The following PATZ1 variants were observed in gnomAD, a reference collection of about 807,000 sequenced individuals.
PATZ1 encodes the protein POZ-, AT hook-, and zinc finger-containing protein 1.
Under a neutral mutation model 46.2 loss-of-function variants are expected in PATZ1, and 9 were observed. That is an observed-to-expected ratio of 0.19 (90% CI 0.12 to 0.34). The LOEUF (loss-of-function observed/expected upper bound fraction) is 0.34, where lower values mean the gene tolerates loss of function less well. PATZ1 is among the 10% of genes least tolerant of loss of function. PATZ1 has a pLI of 1.00. For synonymous variants in PATZ1, 426 were observed against 378.6 expected, an observed-to-expected ratio of 1.13 and a Z score of -1.45; for missense variants, 632 against 923.0, an observed-to-expected ratio of 0.68 and a Z score of 4.08.
intron 2 of PATZ1, among the ~76,000 whole-genome samples, chr22:31,339,719 C>T (rs1365385973): frequency 1.3e-5 from 2 of 152,214 alleles, no homozygotes; most frequent in African/African-American, 4.8e-5. Context: ...CCTGCCAGGT[C>T]CTGGCCCAGG....
chr22:31,341,049 T>C, intron 2 of PATZ1: 2 of 1,086,018 alleles, frequency 1.8e-6, no homozygotes, highest in Non-Finnish European at 2.2e-6. Flanking sequence ...ACCCCAGGCC[T>C]ATGGGAAGTG....
chr22:31,330,205 C>T (rs2049421898), intron 3 of PATZ1, among the ~76,000 whole-genome samples: 1 of 152,176 alleles, frequency 6.6e-6, no homozygotes, highest in Non-Finnish European at 1.5e-5. Flanking sequence ...GCTGATGGCA[C>T]ACCAGGGCCC....
intron 2 of PATZ1, chr22:31,341,150 G>T: frequency 1.7e-6 from 2 of 1,199,032 alleles, no homozygotes; most frequent in East Asian, 3.5e-5. Flanking sequence ...AGATGCCCAG[G>T]GGTGCCATCT....
Position 31,327,376 on chromosome 22 carries a change from T to TCATGAGGGGC in PATZ1, c.1646-77_1646-68dup. On this transcript the variant is annotated intron_variant, in intron 4 of 4. Transcript: ENST00000266269. This position sits in a 1 kb window ranked among gnomAD's most constrained non-coding sequence, Gnocchi z 4.2. ...CTGGAGATGCCCCCTCCTGGAGGGG[T>TCATGAGGGGC]CATGAGGGGCCAGCTCACAGACCTG... The TCATGAGGGGC allele has an allele frequency of 7.5e-7, 1 of 1,334,046 alleles. No homozygotes were observed. The highest frequency in any genetic ancestry group is 2.5e-4 in the Middle Eastern group (1 of 3,980). 82.6% of individuals were successfully genotyped at this position (1,334,046 alleles called of 1,614,324 possible). A position where few individuals can be genotyped will look rare whatever the true frequency, so the allele number is the denominator to read the frequency against.
At chr22:31,339,489 C>T (rs1484248861) in intron 2 of PATZ1, among the ~76,000 whole-genome samples, 1 of 152,100 alleles carries the variant, frequency 6.6e-6, no homozygotes, top group African/African-American at 2.4e-5. Context: ...AGAGAAGGGG[C>T]GGAGGGAGAC....
chr22:31,334,937 C>G (rs1255237503), intron 3 of PATZ1, among the ~76,000 whole-genome samples: 1 of 152,198 alleles, frequency 6.6e-6, no homozygotes, highest in Non-Finnish European at 1.5e-5. Flanking sequence ...TCACAGATAG[C>G]TGCTCCAACC....
intron 3 of PATZ1, 129 bp downstream of exon 3, chr22:31,335,563 C>A: frequency 1.2e-6 from 1 of 822,138 alleles, no homozygotes; most frequent in Admixed American, 2.4e-5. Context: ...AGGTGTTTAT[C>A]ATTCAGTGGG....
rs1222871755 is a variant in PATZ1 at position 31,335,826 on chromosome 22, C to T, written c.1373G>A (p.Arg458His). 2.5e-6 allele frequency: 4 copies of T among 1,613,994 alleles called. No individual in the cohort carries two copies. Among genetic ancestry groups the T allele is most frequent in the Non-Finnish European group, 3.4e-6 (4 of 1,179,974 alleles). The change falls in exon 3 of 5, where the codon CGC becomes CAC. Residue 458 changes from arginine to histidine, a missense_variant. Physicochemically the swap from Arg to His is conservative, Grantham distance 29. Around this residue, in one of 7 missense-constraint regions of PATZ1, gnomAD observed 55 missense variants for 169.0 expected, o/e 0.33. Transcript: ENST00000266269. ...GTCTTCATGACAGGCCAGGTGGGAG[C>T]GCAGACGGTCTCGGGTGGCAAAAGA... ...NASFATRDRLRSHLACHEDKV... is the reference protein window; with the variant it reads ...NASFATRDRLHSHLACHEDKV...
At position 31,344,596 on chromosome 22, in the gene PATZ1, A is replaced by C; in HGVS notation, c.1007T>G (p.Leu336Arg). The change falls in exon 1 of 5, where the codon CTA becomes CGA. Residue 336 changes from leucine to arginine, a missense_variant. Physicochemically the swap from Leu to Arg is moderately radical, Grantham distance 102 (BLOSUM62 -2). Coordinates refer to ENST00000266269, the MANE Select transcript of PATZ1 (RefSeq NM_014323.3). ...GCCGTCGGGGTCTTCAGAGATGGGT[A>C]GCCCATTCTCACCCAGCCTCGGAGG... ...LPPPRLGENGLPISEDPDGPR... is the reference protein window; with the variant it reads ...LPPPRLGENGRPISEDPDGPR... The C allele has an allele frequency of 6.2e-7, 1 of 1,614,156 alleles. No homozygotes were observed. Among genetic ancestry groups the C allele is most frequent in the Non-Finnish European group, 8.5e-7 (1 of 1,180,032 alleles).
chr22:31,329,499 T>C (rs1195711537), intron 3 of PATZ1, among the ~76,000 whole-genome samples: 2 of 152,342 alleles, frequency 1.3e-5, no homozygotes. Context: ...ACCTTCAGCA[T>C]AACAGGATTT....
In PATZ1 at chr22:31,345,360, G is replaced by A. The variant is rs764189357; in HGVS notation, c.243C>T (p.Asp81=). 1 of 1,607,104 alleles carries A rather than the reference G, an allele frequency of 6.2e-7. No individual in the cohort carries two copies. The highest frequency in any genetic ancestry group is 1.1e-5 in the South Asian group (1 of 90,608). The change falls in exon 1 of 5, where the codon GAC becomes GAT. Residue 81 remains aspartate (D), a synonymous_variant. Coordinates refer to ENST00000266269, the MANE Select transcript of PATZ1 (RefSeq NM_014323.3). This position sits in a 1 kb window ranked among gnomAD's most constrained non-coding sequence, Gnocchi z 7.4. ...SAQLGDGGAA[D]GGPADVGGAT... is the part of the protein sequence containing the mutation. ...CGCCCCCTACATCAGCCGGACCCCC[G>A]TCCGCAGCTCCGCCGTCGCCCAACT...
Position 31,345,492 on chromosome 22 carries a change from G to C in PATZ1, c.111C>G (p.Gly37=). 1.2e-6 allele frequency: 2 copies of C among 1,613,240 alleles called. No homozygotes were observed. Among genetic ancestry groups the C allele is most frequent in the Non-Finnish European group, 1.7e-6 (2 of 1,179,866 alleles). ...GCAAGAGCACGTCGCAGAAGCGCCCGCCGTTTTTGCGCTGCTGGTTCAGGT... is the reference window on the plus strand; with the variant it reads ...GCAAGAGCACGTCGCAGAAGCGCCCCCCGTTTTTGCGCTGCTGGTTCAGGT... ...LHNLNQQRKN[G]GRFCDVLLRV... Residue 37 remains glycine (G), a synonymous_variant, in exon 1 of 5, where the codon GGC becomes GGG. Coordinates refer to ENST00000266269, the MANE Select transcript of PATZ1 (RefSeq NM_014323.3). The surrounding 1 kb of genome is among the most constrained non-coding windows in gnomAD (Gnocchi z 7.4).
intron 2 of PATZ1, chr22:31,337,997 G>A (rs551427254): frequency 3.3e-5 from 5 of 152,334 alleles, no homozygotes; most frequent in East Asian, 3.9e-4. Flanking sequence ...GTCTTTTTAA[G>A]TAAACATTAT....
chr22:31,342,357 G>T (rs572321757), intron 2 of PATZ1, among the ~76,000 whole-genome samples: 52 of 152,164 alleles, frequency 3.4e-4, no homozygotes, highest in Non-Finnish European at 6.5e-4. Context: ...GGGTTAAACA[G>T]ATGCCAGTGT....
At chr22:31,337,345 A>G (rs2049523973) in intron 2 of PATZ1, among the ~76,000 whole-genome samples, 1 of 152,172 alleles carries the variant, frequency 6.6e-6, no homozygotes, top group African/African-American at 2.4e-5. Flanking sequence ...GCTGAGCACC[A>G]ACTCACAGCC....
rs770844249 is a variant in PATZ1 at position 31,344,996 on chromosome 22, C to T, written c.607G>A (p.Ala203Thr). Residue 203 changes from alanine (A) to threonine (T), a missense_variant, in exon 1 of 5, where the codon GCC (alanine) becomes ACC (threonine). This residue lies in a region of PATZ1 where 279 missense variants were observed against 284.3 expected (regional missense o/e 0.98). Coordinates refer to ENST00000266269, the MANE Select transcript of PATZ1 (RefSeq NM_014323.3). Reference protein sequence around the residue: ...AALAANSNGIAGSMQPEEEAA... With the variant: ...AALAANSNGITGSMQPEEEAA... Reference sequence around the variant, plus strand: ...TCCTCCTCTGGCTGCATGCTGCCGGCGATGCCATTGCTGTTGGCTGCCAAG... The same window carrying T: ...TCCTCCTCTGGCTGCATGCTGCCGGTGATGCCATTGCTGTTGGCTGCCAAG... The T allele has an allele frequency of 6.2e-7, 1 of 1,614,008 alleles. No individual in the cohort carries two copies. The highest frequency in any genetic ancestry group is 8.5e-7 in the Non-Finnish European group (1 of 1,180,040).
At chr22:31,340,956 T>G (rs1251826527) in intron 2 of PATZ1, 5 of 1,069,892 alleles carry the variant, frequency 4.7e-6, no homozygotes, top group Non-Finnish European at 5.7e-6. Context: ...ATGGGTTGAC[T>G]CTAGTTGGAA....
Position 31,345,960 on chromosome 22 carries a change from C to A in PATZ1, c.-358G>T, listed in dbSNP as rs2049651579. On this transcript the variant is annotated 5_prime_UTR_variant, in exon 1 of 5. Coordinates refer to ENST00000266269, the MANE Select transcript of PATZ1 (RefSeq NM_014323.3). The surrounding 1 kb of genome is among the most constrained non-coding windows in gnomAD (Gnocchi z 7.4). Reference sequence around the variant, plus strand: ...GCCACCTCCCCTCCCGCCCGCCAGGCGGCGCCGGCGCGCAGCCAAGAAGGG... The same window carrying A: ...GCCACCTCCCCTCCCGCCCGCCAGGAGGCGCCGGCGCGCAGCCAAGAAGGG... 1 of 240,730 alleles carries A rather than the reference C, an allele frequency of 4.2e-6. No individual in the cohort carries two copies. Among genetic ancestry groups the A allele is most frequent in the Admixed American group, 5.6e-5 (1 of 17,712 alleles). 14.9% of individuals were successfully genotyped at this position (240,730 alleles called of 1,614,324 possible).
chr22:31,326,584 C>G lies in PATZ1; in HGVS notation c.*307G>C, dbSNP rs946062518. 1 of 334,988 alleles carries G rather than the reference C, an allele frequency of 3.0e-6. No homozygotes were observed. The highest frequency in any genetic ancestry group is 5.5e-6 in the Non-Finnish European group (1 of 182,626). The allele number at this position is 334,988 out of a possible 1,614,324, so 20.8% of individuals were successfully genotyped here. On this transcript the variant is annotated 3_prime_UTR_variant, in exon 5 of 5. Coordinates refer to ENST00000266269, the MANE Select transcript of PATZ1 (RefSeq NM_014323.3). ...ATTGGGGTCACTAAGAATTGAGCAC[C>G]AGGAATTCCAGCTTCTTCCCATTAA...
Sources: allele counts gnomAD v4.1 joint callset (sites outside exome capture counted in the v4.1 genomes callset), GRCh38; gene constraint gnomAD v4.1.1; regional missense constraint gnomAD v4.1.1; non-coding constraint Gnocchi (gnomAD v3.1); transcripts MANE v1.5; gene names NCBI Gene and HGNC (gene_info 2026-07-23, HGNC 2026-07-21).